Variants in ADAMTSL1 observed in about 807,000 individuals in gnomAD.
ADAMTSL1 encodes ADAMTS like 1.
ADAMTSL1 carries 126 observed loss-of-function variants against 201.8 expected under a neutral mutation model. That is an observed-to-expected ratio of 0.62 (90% CI 0.54 to 0.72). The LOEUF (loss-of-function observed/expected upper bound fraction) is 0.72. Among genes scored for constraint, ADAMTSL1 ranks in the 30% least tolerant of loss-of-function variants. ADAMTSL1 has a pLI of 0.00. For missense variants in ADAMTSL1, 2,679 were observed against 2,277.8 expected, an observed-to-expected ratio of 1.18 and a Z score of -3.59; for synonymous variants, 1,121 against 903.4, an observed-to-expected ratio of 1.24 and a Z score of -4.32.
chr9:18,238,254 G>A (rs897430895), intron 2 of ADAMTSL1, among the ~76,000 whole-genome samples: 1 of 152,126 alleles, frequency 6.6e-6, no homozygotes, highest in African/African-American at 2.4e-5. Flanking sequence ...TTGAAACTGG[G>A]TCATAGAAAT....
chr9:18,657,001 A>G (rs2132976033), intron 7 of ADAMTSL1, among the ~76,000 whole-genome samples: 1 of 152,258 alleles, frequency 6.6e-6, no homozygotes, highest in East Asian at 1.9e-4. Context: ...AATTGTTTTT[A>G]AGTAAGTAAT....
At chr9:18,791,552 A>C (rs1031292084) in intron 19 of ADAMTSL1, among the ~76,000 whole-genome samples, 2 of 152,164 alleles carry the variant, frequency 1.3e-5, no homozygotes, top group African/African-American at 4.8e-5. Context: ...CAAAAACATG[A>C]GATTCTACTT....
At chr9:18,578,389 C>A (rs997123968) in intron 4 of ADAMTSL1, among the ~76,000 whole-genome samples, 1 of 152,166 alleles carries the variant, frequency 6.6e-6, no homozygotes, top group Non-Finnish European at 1.5e-5. Flanking sequence ...GCATCTCAGA[C>A]TGAGAAACAC....
At chr9:18,055,903 A>C (rs1477005716) in intron 1 of ADAMTSL1, among the ~76,000 whole-genome samples, 1 of 152,248 alleles carries the variant, frequency 6.6e-6, no homozygotes, top group South Asian at 2.1e-4. Flanking sequence ...GCTATTAACT[A>C]TGCTTTCAGG....
Position 18,662,036 on chromosome 9 carries a change from A to T in ADAMTSL1, c.1048A>T (p.Lys350Ter), listed in dbSNP as rs191918530. The T allele has an allele frequency of 1.2e-6, 2 of 1,614,034 alleles. No individual in the cohort carries two copies. Among genetic ancestry groups the T allele is most frequent in the Admixed American group, 3.3e-5 (2 of 60,030 alleles). Reference protein sequence around the residue: ...YYPENIKPKPKLQECNLDPCP... With the variant: ...YYPENIKPKP The stretch of plus-strand genomic sequence containing the variant: ...CCCAGAGAACATCAAACCCAAACCC[A>T]AGCTTCAGGAGTGCAACTTGGATCC... Residue 350 changes from lysine (K) to a stop codon, truncating the protein, a stop_gained, in exon 9 of 29, where the codon AAG becomes TAG. Transcript: ENST00000380548. LOFTEE classifies it high-confidence loss of function.
chr9:18,704,633 C>A (rs914874493), intron 13 of ADAMTSL1, among the ~76,000 whole-genome samples: 1 of 152,068 alleles, frequency 6.6e-6, no homozygotes, highest in African/African-American at 2.4e-5. Flanking sequence ...GTCACAGGAG[C>A]CAGGTAGGTG....
rs1214852605 is a variant in ADAMTSL1, at chr9:18,765,882, T to C, written c.2218-4720T>C. Reference sequence around the variant, plus strand: ...TAGAGACTGCTTTGACTACTCTAGGTAGGAAGGTTAGGGATGGCCTCTCCA... The same window carrying C: ...TAGAGACTGCTTTGACTACTCTAGGCAGGAAGGTTAGGGATGGCCTCTCCA... On this transcript the variant is annotated intron_variant, in intron 16 of 28. Transcript: ENST00000380548. Among the ~76,000 whole-genome samples the C allele has an allele frequency of 2.6e-5, 4 of 152,038 alleles. No homozygotes were observed. In the East Asian group the frequency reaches 7.7e-4, roughly 29 times the overall value.
At chr9:18,151,289 G>A (rs537082763) in intron 1 of ADAMTSL1, among the ~76,000 whole-genome samples, 3 of 152,110 alleles carry the variant, frequency 2.0e-5, no homozygotes, top group South Asian at 2.1e-4. Context: ...ACCACCAATT[G>A]CTGAACATCT....
chr9:18,807,558 C>T (rs950861092), intron 20 of ADAMTSL1, among the ~76,000 whole-genome samples: 68 of 151,372 alleles, frequency 4.5e-4, no homozygotes, highest in Admixed American at 3.0e-3. Flanking sequence ...GGCGGGAGAA[C>T]CGGCGTGAAC....
chr9:18,044,070 T>C (rs1586940079), intron 1 of ADAMTSL1, among the ~76,000 whole-genome samples: 2 of 150,268 alleles, frequency 1.3e-5, no homozygotes, highest in Admixed American at 6.7e-5. Context: ...CAACAACAAA[T>C]ATTTTTTGAG....
chr9:18,782,999 A>T (rs1409879582), intron 19 of ADAMTSL1, among the ~76,000 whole-genome samples: 1 of 152,176 alleles, frequency 6.6e-6, no homozygotes, highest in Admixed American at 6.5e-5. Flanking sequence ...AATTTGGAGG[A>T]TGTTAAACAG....
intron 1 of ADAMTSL1, among the ~76,000 whole-genome samples, chr9:17,991,958 G>C (rs1819170689): frequency 1.3e-5 from 2 of 152,054 alleles, no homozygotes; most frequent in South Asian, 4.2e-4. Flanking sequence ...CATTGGGATG[G>C]AGATCTCCTA....
intron 1 of ADAMTSL1, among the ~76,000 whole-genome samples, chr9:18,493,985 A>G (rs531003984): frequency 5.3e-5 from 8 of 152,182 alleles, no homozygotes; most frequent in Non-Finnish European, 1.2e-4. Context: ...CTGGGGATAG[A>G]TGTGTAAACA....
chr9:18,722,934 C>G lies in ADAMTSL1; in HGVS notation c.2006+1269C>G, dbSNP rs1817632354. The stretch of plus-strand genomic sequence containing the variant: ...TGGTTCCACATTTCTGTCCTAACTT[C>G]GCAGCTCTCTAGTTGTTGAGCCTAA... On this transcript the variant is annotated intron_variant, in intron 15 of 28. Transcript: ENST00000380548. 21 of 730,856 alleles carry G rather than the reference C, an allele frequency of 2.9e-5. 1 individual carries two copies. In the South Asian group the frequency reaches 3.1e-4, roughly 11 times the overall value. The allele number at this position is 730,856 out of a possible 1,614,324, so 45.3% of individuals were successfully genotyped here. A position where few individuals can be genotyped will look rare whatever the true frequency, so the allele number is the denominator to read the frequency against.
chr9:18,536,574 T>C (rs1471314722), intron 3 of ADAMTSL1, among the ~76,000 whole-genome samples: 1 of 152,134 alleles, frequency 6.6e-6, no homozygotes, highest in African/African-American at 2.4e-5. Context: ...ATAGTCATGG[T>C]ACTTTCTTAC....
chr9:18,706,878 G>C lies in ADAMTSL1; in HGVS notation c.1706G>C (p.Gly569Ala), dbSNP rs902105866. 6.2e-7 allele frequency: 1 copy of C among 1,613,862 alleles called. No individual in the cohort carries two copies. Among genetic ancestry groups the C allele is most frequent in the Admixed American group, 1.7e-5 (1 of 60,008 alleles). Residue 569 changes from glycine to alanine, a missense_variant, in exon 14 of 29, where the codon GGG becomes GCG. Physicochemically the swap from Gly to Ala is moderately conservative, Grantham distance 60 (BLOSUM62 0). Transcript: ENST00000380548. The part of the protein sequence containing the change: ...VADLPIDECE[G>A]PKPASQRACY... Reference sequence around the variant, plus strand: ...GACCTGCCTATTGACGAGTGTGAAGGGCCCAAGCCAGCATCCCAGCGTGCC... The same window carrying C: ...GACCTGCCTATTGACGAGTGTGAAGCGCCCAAGCCAGCATCCCAGCGTGCC...
intron 3 of ADAMTSL1, among the ~76,000 whole-genome samples, chr9:18,572,155 A>G (rs1271705739): frequency 6.6e-6 from 1 of 151,874 alleles, no homozygotes; most frequent in Admixed American, 6.6e-5. Flanking sequence ...AGATCACGCC[A>G]CTACACTCCA....
At chr9:18,228,129 A>G (rs917804830) in intron 2 of ADAMTSL1, among the ~76,000 whole-genome samples, 3 of 152,200 alleles carry the variant, frequency 2.0e-5, no homozygotes, top group Non-Finnish European at 4.4e-5. Flanking sequence ...TTATTTACGA[A>G]GTCATTGGAG....
chr9:18,201,509 A>G (rs1283707582), intron 2 of ADAMTSL1, among the ~76,000 whole-genome samples: 4 of 152,106 alleles, frequency 2.6e-5, no homozygotes, highest in East Asian at 1.9e-4. Flanking sequence ...AACATTTTTT[A>G]TTTTACTTTT....
Sources: gnomAD v4.1 joint callset for allele counts (sites outside exome capture counted in the v4.1 genomes callset) on GRCh38, gnomAD v4.1.1 for gene constraint, MANE v1.5 for transcripts, NCBI Gene and HGNC (gene_info 2026-07-23, HGNC 2026-07-21) for gene names.